The following PHF11 variants were observed in gnomAD, a reference collection of about 807,000 sequenced individuals.
PHF11 encodes PHD finger protein 11, also known as BRCA1 C-terminus-associated protein.
In PHF11, 38 loss-of-function variants were observed where a neutral mutation model predicts 40.5. That is an observed-to-expected ratio of 0.94 (90% CI 0.72 to 1.23). The LOEUF (loss-of-function observed/expected upper bound fraction) is 1.23. PHF11 is among the 50% of genes most tolerant of loss of function. The probability of loss-of-function intolerance (pLI) is 0.00; values close to 1 mark genes in which losing one functional copy is unlikely to be tolerated. For synonymous variants in PHF11, 127 were observed against 138.2 expected, an observed-to-expected ratio of 0.92 and a Z score of 0.57; for missense variants, 369 against 392.4, an observed-to-expected ratio of 0.94 and a Z score of 0.50.
Position 49,518,160 on chromosome 13 carries a change from TA to T in PHF11, c.458+13del. On this transcript the variant is annotated intron_variant, in intron 4 of 9. Coordinates refer to ENST00000378319, the MANE Select transcript of PHF11 (RefSeq NM_001040443.3). ...GTTCGAGGAATTTATAAGTATTTAA[TA>T]AAACATTTTTAAAACCACATTTGGG... 1 of 1,571,994 alleles carries T rather than the reference TA, an allele frequency of 6.4e-7. No homozygotes were observed. Among genetic ancestry groups the T allele is most frequent in the Middle Eastern group, 1.7e-4 (1 of 5,932 alleles).
intron 1 of PHF11, among the ~76,000 whole-genome samples, chr13:49,503,664 C>A (rs1318326385): frequency 1.3e-5 from 2 of 152,222 alleles, no homozygotes; most frequent in Admixed American, 6.5e-5. Flanking sequence ...GATGTAAGTT[C>A]TTTGACATAT....
In PHF11 at chr13:49,528,629, G is replaced by C. The variant is rs1959412859; in HGVS notation, c.960G>C (p.Met320Ile). ...CTTTTCAAGAAAATAGAGATCTTAT[G>C]TCAAGTTCTACATCAATATCATCCC... ...LCSFQENRDL[M>I]SSSTSISSLS... Residue 320 changes from methionine (M) to isoleucine (I), a missense_variant, in exon 10 of 10, where the codon ATG becomes ATC. Physicochemically the swap from Met to Ile is conservative, Grantham distance 10. Transcript: ENST00000378319. 8 of 1,610,598 alleles carry C rather than the reference G, an allele frequency of 5.0e-6. No individual in the cohort carries two copies. In the East Asian group the frequency reaches 1.6e-4, roughly 31 times the overall value.
intron 1 of PHF11, among the ~76,000 whole-genome samples, chr13:49,498,286 G>A (rs1251832047): frequency 6.6e-6 from 1 of 152,156 alleles, no homozygotes; most frequent in African/African-American, 2.4e-5. Flanking sequence ...TAGGTGATGG[G>A]GAAATATGAG....
rs1959210014 is a variant in PHF11, at chr13:49,524,198, G to T, written c.751G>T (p.Glu251Ter). ...VHSIPEKLMD[E>*]TTSESDYEEI... Reference sequence around the variant, plus strand: ...TTCAATTCCAGAAAAACTCATGGATGAGACTACTTCAGAATCAGGTACTGA... The same window carrying T: ...TTCAATTCCAGAAAAACTCATGGATTAGACTACTTCAGAATCAGGTACTGA... Residue 251 changes from glutamate (E) to a stop codon, truncating the protein, a stop_gained, in exon 8 of 10, where the codon GAG (glutamate) becomes TAG (stop). Coordinates refer to ENST00000378319, the MANE Select transcript of PHF11 (RefSeq NM_001040443.3). LOFTEE classifies it high-confidence loss of function. 2.5e-6 allele frequency: 4 copies of T among 1,608,808 alleles called. No individual in the cohort carries two copies. Among genetic ancestry groups the T allele is most frequent in the Non-Finnish European group, 3.4e-6 (4 of 1,176,404 alleles).
chr13:49,504,851 T>C (rs945382843), intron 1 of PHF11, among the ~76,000 whole-genome samples: 1 of 150,930 alleles, frequency 6.6e-6, no homozygotes, highest in African/African-American at 2.4e-5. Context: ...TGGGAGACTT[T>C]TCATTTTGTT....
intron 2 of PHF11, among the ~76,000 whole-genome samples, chr13:49,511,797 A>G (rs925322458): frequency 6.6e-6 from 1 of 152,212 alleles, no homozygotes; most frequent in African/African-American, 2.4e-5. Flanking sequence ...CAACCTTACC[A>G]AACTCTTATC....
Position 49,522,072 on chromosome 13 carries a change from G to A in PHF11, c.535G>A (p.Gly179Arg), listed in dbSNP as rs1321654219. 1.9e-6 allele frequency: 3 copies of A among 1,560,676 alleles called. No homozygotes were observed. Among genetic ancestry groups the A allele is most frequent in the Non-Finnish European group, 2.6e-6 (3 of 1,133,422 alleles). The change falls in exon 6 of 10, where the codon GGA becomes AGA. Residue 179 changes from glycine (G) to arginine (R), a missense_variant. Transcript: ENST00000378319. ...AKFSGVKRKRGRKKPLSGNHV... is the reference protein window; with the variant it reads ...AKFSGVKRKRRRKKPLSGNHV... ...ATTTTCAGGAGTGAAAAGAAAAAGA[G>A]GAAGGAAGAAACCCCTCTCAGGCAA... is the stretch of plus-strand genomic sequence containing the variant.
At chr13:49,513,279 T>TGGAA in intron 3 of PHF11, 113 bp downstream of exon 3, 1 of 584,666 alleles carries the variant, frequency 1.7e-6, no homozygotes, top group East Asian at 3.1e-5. Context: ...CTTGGAGAGC[T>TGGAA]GGAAGAAGTA....
intron 3 of PHF11, among the ~76,000 whole-genome samples, chr13:49,517,202 C>T (rs1959165408): frequency 6.6e-6 from 1 of 152,114 alleles, no homozygotes. Flanking sequence ...TTTGAATTTC[C>T]TTTAACTGTT....
chr13:49,501,169 A>G (rs1958903493), intron 1 of PHF11, among the ~76,000 whole-genome samples: 1 of 151,386 alleles, frequency 6.6e-6, no homozygotes, highest in African/African-American at 2.4e-5. Context: ...ATGCACCACC[A>G]CGCCTGGCTA....
chr13:49,526,116 C>T, intron 8 of PHF11: 1 of 385,292 alleles, frequency 2.6e-6, no homozygotes, highest in Non-Finnish European at 4.8e-6. Flanking sequence ...TTGCAGTGAG[C>T]CAAGATCGCA....
At position 49,522,110 on chromosome 13, in the gene PHF11, A is replaced by ACT; in HGVS notation, c.570+3_570+4insCT. 1 of 1,491,694 alleles carries ACT rather than the reference A, an allele frequency of 6.7e-7. No homozygotes were observed. The highest frequency in any genetic ancestry group is 9.3e-7 in the Non-Finnish European group (1 of 1,072,578). The allele number at this position is 1,491,694 out of a possible 1,614,324, so 92.4% of individuals were successfully genotyped here. On this transcript the variant is annotated splice_donor_region_variant and intron_variant, in intron 6 of 9. Transcript: ENST00000378319. The stretch of plus-strand genomic sequence containing the variant: ...CCCTCTCAGGCAATCATGTACAGGT[A>ACT]ATTTGACTTAGTTTTTATAGCTTTG...
intron 2 of PHF11, among the ~76,000 whole-genome samples, chr13:49,508,278 A>G (rs1025283054): frequency 2.9e-4 from 42 of 147,168 alleles, no homozygotes; most frequent in African/African-American, 9.6e-4. Context: ...TTAATATATT[A>G]ATTATATATT....
chr13:49,501,937 C>T (rs866990984), intron 1 of PHF11, among the ~76,000 whole-genome samples: 9 of 151,922 alleles, frequency 5.9e-5, no homozygotes, highest in Non-Finnish European at 1.2e-4. Context: ...GTGATCCACC[C>T]GCCTCGGCCT....
intron 1 of PHF11, among the ~76,000 whole-genome samples, 155 bp from the exon 2 acceptor site, chr13:49,506,480 G>C (rs528009100): frequency 2.3e-4 from 35 of 152,092 alleles, no homozygotes; most frequent in African/African-American, 7.5e-4. Flanking sequence ...AAAATAAATA[G>C]CTTTTTCACT....
intron 7 of PHF11, 93 bp from the exon 8 acceptor site, chr13:49,523,992 C>A: frequency 1.0e-6 from 1 of 952,408 alleles, no homozygotes; most frequent in South Asian, 1.8e-5. Context: ...TGTGCATCCA[C>A]CACTAGGCAA....
rs1381711421 is a variant in PHF11, at chr13:49,526,005, C to T, written c.770-382C>T. The stretch of plus-strand genomic sequence containing the variant: ...CCAACATGGCAAAACCCTGTCTCTA[C>T]TAAAAATACAAAAATTAGCCGGGCG... On this transcript the variant is annotated intron_variant, in intron 8 of 9. Transcript: ENST00000378319. 4.0e-5 allele frequency: 13 copies of T among 324,232 alleles called. 1 individual carries two copies. The highest frequency in any genetic ancestry group is 2.9e-4 in the African/African-American group (13 of 45,390). 20.1% of individuals were successfully genotyped at this position (324,232 alleles called of 1,614,324 possible).
chr13:49,506,527 C>G (rs150658769), intron 1 of PHF11, 108 bp from the exon 2 acceptor site: 2 of 908,848 alleles, frequency 2.2e-6, no homozygotes, highest in African/African-American at 3.4e-5. Context: ...GGAATTAAGA[C>G]TCTCTCATAA....
In PHF11 at chr13:49,511,215, CAT is replaced by C. The variant is rs143978806; in HGVS notation, c.217-1843_217-1842del. ...GCTTATTCATTCATCTGTTGGTAGACATGTGTTATTTCCAGTTTGGAGCTCTT... is the reference window on the plus strand; with the variant it reads ...GCTTATTCATTCATCTGTTGGTAGACGTGTTATTTCCAGTTTGGAGCTCTT... On this transcript the variant is annotated intron_variant, in intron 2 of 9. Coordinates refer to ENST00000378319, the MANE Select transcript of PHF11 (RefSeq NM_001040443.3). 5.8e-3 allele frequency among the ~76,000 whole-genome samples: 882 copies of C among 151,954 alleles called. 7 individuals carry two copies. The highest frequency in any genetic ancestry group is 0.019 in the African/African-American group (802 of 41,450).
Sources: gnomAD v4.1 joint callset for allele counts (sites outside exome capture counted in the v4.1 genomes callset) on GRCh38, gnomAD v4.1.1 for gene constraint, MANE v1.5 for transcripts, NCBI Gene and HGNC (gene_info 2026-07-23, HGNC 2026-07-21) for gene names.